Variants in ARHGEF26 observed in about 807,000 individuals in gnomAD.
ARHGEF26 encodes the protein Rho guanine nucleotide exchange factor 26, also known as Rho guanine nucleotide exchange factor (GEF) 26.
In ARHGEF26, 59 loss-of-function variants were observed where a neutral mutation model predicts 89.4. That is an observed-to-expected ratio of 0.66 (90% CI 0.54 to 0.82). The LOEUF (loss-of-function observed/expected upper bound fraction) is 0.82. Ranked by LOEUF, ARHGEF26 falls within the 40% of genes least tolerant of loss-of-function variation. The pLI is 0.00. For missense variants in ARHGEF26, 1,234 were observed against 1,085.6 expected (o/e 1.14, Z -1.92); for synonymous variants, 500 against 428.4 (o/e 1.17, Z -2.06).
intron 6 of ARHGEF26, among the ~76,000 whole-genome samples, chr3:154,164,108 T>A (rs1326684346): frequency 6.6e-6 from 1 of 152,154 alleles, no homozygotes; most frequent in Non-Finnish European, 1.5e-5. Flanking sequence ...TAGAAAATGA[T>A]TTTGCAAGTC....
At position 154,240,571 on chromosome 3, in the gene ARHGEF26, T is replaced by C. The variant is rs747585305; in HGVS notation, c.2292T>C (p.Ala764=). 126 of 1,607,712 alleles carry C rather than the reference T, an allele frequency of 7.8e-5. No individual in the cohort carries two copies. The highest frequency in any genetic ancestry group is 1.0e-4 in the Non-Finnish European group (120 of 1,176,838). Residue 764 remains alanine (A), a synonymous_variant, in exon 12 of 15, where the codon GCT becomes GCC. Coordinates refer to ENST00000465093, the MANE Select transcript of ARHGEF26 (RefSeq NM_015595.4). The stretch of plus-strand genomic sequence containing the variant: ...AGAAAGTGGAGATGCTACTAGGAGC[T>C]GAGACGCAGTAAGTATATGTGGGGA... ...ANEKVEMLLG[A]ETQSERARWI...
At chr3:154,199,554 A>G (rs1714502089) in intron 9 of ARHGEF26, among the ~76,000 whole-genome samples, 1 of 152,026 alleles carries the variant, frequency 6.6e-6, no homozygotes, top group African/African-American at 2.4e-5. Context: ...TTGATATACT[A>G]CTTTCCTTTA....
intron 8 of ARHGEF26, among the ~76,000 whole-genome samples, chr3:154,191,707 C>T (rs1186801238): frequency 1.3e-5 from 2 of 152,092 alleles, no homozygotes; most frequent in Non-Finnish European, 2.9e-5. Context: ...TGTCAGGAGG[C>T]CTGGATTCCA....
intron 4 of ARHGEF26, among the ~76,000 whole-genome samples, chr3:154,148,185 C>T (rs528677244): frequency 6.6e-6 from 1 of 152,156 alleles, no homozygotes; most frequent in African/African-American, 2.4e-5. Flanking sequence ...GGCAGCCAGC[C>T]ATGAGGAGCC....
chr3:154,222,853 A>T (rs1229399627), intron 10 of ARHGEF26, among the ~76,000 whole-genome samples: 2 of 152,188 alleles, frequency 1.3e-5, no homozygotes, highest in East Asian at 3.9e-4. Flanking sequence ...TGAGAGGGGA[A>T]TAAATCAAGG....
At chr3:154,251,758 A>G (rs938168773) in intron 12 of ARHGEF26, among the ~76,000 whole-genome samples, 2 of 152,186 alleles carry the variant, frequency 1.3e-5, no homozygotes, top group African/African-American at 2.4e-5. Context: ...AAAGGATTTC[A>G]TTTGCAAAAA....
chr3:154,253,177 C>T lies in ARHGEF26; in HGVS notation c.2362C>T (p.Arg788Ter), dbSNP rs1365960237. Residue 788 changes from arginine to a stop codon, truncating the protein, a stop_gained, in exon 13 of 15, where the codon CGA (arginine) becomes TGA (stop). Transcript: ENST00000465093. LOFTEE classifies it high-confidence loss of function. ...CAGCAGCGGGAAGCCGCCTGCAGAC[C>T]GAACCTGTAAGTTCTCTCAAGGGGA... ...GHSSGKPPAD[R>*]TSLTQVEIVR... is the part of the protein sequence containing the mutation. 1 of 1,614,020 alleles carries T rather than the reference C, an allele frequency of 6.2e-7. No individual in the cohort carries two copies. The highest frequency in any genetic ancestry group is 8.5e-7 in the Non-Finnish European group (1 of 1,179,884).
intron 4 of ARHGEF26, among the ~76,000 whole-genome samples, chr3:154,130,147 AT>A (rs55816788): frequency 3.0e-4 from 32 of 105,948 alleles, no homozygotes; most frequent in Non-Finnish European, 2.6e-4. Flanking sequence ...TTCCTTGGAA[AT>A]TTTTTTTTTT....
At chr3:154,176,515 T>C (rs996096239) in intron 6 of ARHGEF26, among the ~76,000 whole-genome samples, 3 of 152,172 alleles carry the variant, frequency 2.0e-5, no homozygotes, top group Non-Finnish European at 4.4e-5. Context: ...AGTGTCAGCA[T>C]CCTTCACAAG....
chr3:154,234,660 G>T (rs376247442), intron 11 of ARHGEF26, among the ~76,000 whole-genome samples: 1 of 152,088 alleles, frequency 6.6e-6, no homozygotes, highest in African/African-American at 2.4e-5. Context: ...GTGTCAACTC[G>T]CAAACCCACT....
intron 6 of ARHGEF26, among the ~76,000 whole-genome samples, chr3:154,164,178 C>T (rs1252766990): frequency 6.6e-6 from 1 of 151,850 alleles, no homozygotes; most frequent in East Asian, 1.9e-4. Context: ...ACTGAGCAAC[C>T]TCACAGCAAA....
At chr3:154,205,331 T>C (rs1011069632) in intron 9 of ARHGEF26, among the ~76,000 whole-genome samples, 2 of 152,166 alleles carry the variant, frequency 1.3e-5, no homozygotes, top group Non-Finnish European at 2.9e-5. Flanking sequence ...ACTCCTGTTT[T>C]TTTTTGTTTT....
chr3:154,174,546 A>C (rs60274644), intron 6 of ARHGEF26, among the ~76,000 whole-genome samples: 53 of 152,328 alleles, frequency 3.5e-4, no homozygotes, highest in African/African-American at 1.2e-3. Flanking sequence ...TATCTTAATG[A>C]ATTATATTAA....
intron 6 of ARHGEF26, among the ~76,000 whole-genome samples, chr3:154,177,724 CAG>C (rs1712914149): frequency 6.6e-6 from 1 of 152,102 alleles, no homozygotes; most frequent in Non-Finnish European, 1.5e-5. Flanking sequence ...CTGCTACAAG[CAG>C]AACAGCTCTC....
chr3:154,139,446 C>T (rs1437280757), intron 4 of ARHGEF26, among the ~76,000 whole-genome samples: 3 of 152,188 alleles, frequency 2.0e-5, no homozygotes, highest in South Asian at 2.1e-4. Flanking sequence ...GGAAGGGATA[C>T]ATTCAAGAAT....
rs745573843 is a variant in ARHGEF26, at chr3:154,227,772, G to A, written c.2090+1762G>A. Among the ~76,000 whole-genome samples the A allele has an allele frequency of 3.4e-4, 52 of 152,210 alleles. 1 individual carries two copies. The Middle Eastern group carries it at 0.017, about 50-fold the overall frequency. The stretch of plus-strand genomic sequence containing the variant: ...ACATCTTCCAGCTGTTGAAATATTT[G>A]TTCTGTCTCAGTAGACCAAGAGCTT... On this transcript the variant is annotated intron_variant, in intron 11 of 14. Transcript: ENST00000465093.
At chr3:154,206,286 G>A (rs754820702) in intron 9 of ARHGEF26, among the ~76,000 whole-genome samples, 2 of 152,110 alleles carry the variant, frequency 1.3e-5, no homozygotes, top group Non-Finnish European at 2.9e-5. Context: ...TATGTTATTT[G>A]TCTCTTTTCT....
intron 6 of ARHGEF26, among the ~76,000 whole-genome samples, chr3:154,187,412 T>C (rs1277038402): frequency 6.7e-6 from 1 of 149,450 alleles, no homozygotes; most frequent in Non-Finnish European, 1.5e-5. Context: ...TTTTGTCTTG[T>C]CTTGAACTCC....
At chr3:154,146,647 A>G (rs1325487678) in intron 4 of ARHGEF26, among the ~76,000 whole-genome samples, 1 of 152,210 alleles carries the variant, frequency 6.6e-6, no homozygotes, top group East Asian at 1.9e-4. Flanking sequence ...TATACAGTAA[A>G]TTTGTAATTA....
Sources: gnomAD v4.1 joint callset for allele counts (sites outside exome capture counted in the v4.1 genomes callset) on GRCh38, gnomAD v4.1.1 for gene constraint, MANE v1.5 for transcripts, NCBI Gene and HGNC (gene_info 2026-07-23, HGNC 2026-07-21) for gene names.